Variants in PPP6R2 observed in about 807,000 individuals in gnomAD.
PPP6R2 encodes serine/threonine-protein phosphatase 6 regulatory subunit 2.
Under a neutral mutation model 100.2 loss-of-function variants are expected in PPP6R2, and 62 were observed. That is an observed-to-expected ratio of 0.62 (90% confidence interval 0.50 to 0.76). PPP6R2 has a LOEUF of 0.76. Among genes scored for constraint, PPP6R2 ranks in the 30% least tolerant of loss-of-function variants. The pLI, the probability that PPP6R2 is intolerant of heterozygous loss-of-function variation, is 0.00. For missense variants in PPP6R2, 1,142 were observed against 1,276.3 expected, an observed-to-expected ratio of 0.89 and a Z score of 1.60; for synonymous variants, 525 against 514.7, an observed-to-expected ratio of 1.02 and a Z score of -0.27.
intron 2 of PPP6R2, among the ~76,000 whole-genome samples, chr22:50,388,185 A>T (rs1602939979): frequency 6.6e-6 from 1 of 151,924 alleles, no homozygotes; most frequent in African/African-American, 2.4e-5. Flanking sequence ...GATTAAAAAA[A>T]AAAAACAGTC....
chr22:50,406,299 GT>G (rs2058947149), intron 3 of PPP6R2, among the ~76,000 whole-genome samples: 1 of 137,148 alleles, frequency 7.3e-6, no homozygotes, highest in East Asian at 2.3e-4. Context: ...CTGGAGAGAG[GT>G]GAGAGGCCTG....
upstream of PPP6R2, among the ~76,000 whole-genome samples, chr22:50,340,509 GT>G (rs1569219577): frequency 3.9e-4 from 36 of 91,880 alleles, 1 homozygote; most frequent in African/African-American, 2.8e-3. Flanking sequence ...GGTGTGGTGT[GT>G]GTGTGGTGTG....
At chr22:50,410,297 A>G (rs1245458020) in intron 4 of PPP6R2, among the ~76,000 whole-genome samples, 1 of 152,054 alleles carries the variant, frequency 6.6e-6, no homozygotes, top group Non-Finnish European at 1.5e-5. Context: ...AGCCACTTCC[A>G]TTCCTGTGCA....
upstream of PPP6R2, among the ~76,000 whole-genome samples, chr22:50,341,992 C>CAA (rs563190922): frequency 8.0e-4 from 110 of 137,796 alleles, no homozygotes; most frequent in East Asian, 9.5e-3. Flanking sequence ...GACTCCGTCT[C>CAA]AAAAAAAAAA....
At chr22:50,332,605 TAAG>T in the PPP6R2 span, among the ~76,000 whole-genome samples, 1 of 151,238 alleles carries the variant, frequency 6.6e-6, no homozygotes, top group Non-Finnish European at 1.5e-5. Context: ...TGGTATGAGA[TAAG>T]GAGATAAGGT....
chr22:50,396,448 T>TAA (rs1380271036), intron 3 of PPP6R2, among the ~76,000 whole-genome samples: 1 of 146,930 alleles, frequency 6.8e-6, no homozygotes, highest in Admixed American at 7.0e-5. Context: ...TGAGCCAAGA[T>TAA]CGCTCCACTG....
chr22:50,437,271 A>C (rs2064533159), intron 15 of PPP6R2, among the ~76,000 whole-genome samples: 1 of 152,242 alleles, frequency 6.6e-6, no homozygotes, highest in Admixed American at 6.5e-5. Context: ...AGGACACGGC[A>C]GATGGACTCG....
chr22:50,415,969 G>T, intron 5 of PPP6R2, 123 bp from the exon 6 acceptor site: 1 of 836,194 alleles, frequency 1.2e-6, no homozygotes, highest in Non-Finnish European at 2.0e-6. Flanking sequence ...CTGGGTCTGG[G>T]GTGTGTCAGG....
intron 22 of PPP6R2, 30 bp downstream of exon 22, chr22:50,441,056 C>G: frequency 2.7e-6 from 4 of 1,496,618 alleles, no homozygotes; most frequent in Non-Finnish European, 3.6e-6. Flanking sequence ...GGCGGGCCTG[C>G]CGGGTGCATA....
chr22:50,442,777 C>T (rs1203009960), intron 22 of PPP6R2, among the ~76,000 whole-genome samples: 1 of 151,718 alleles, frequency 6.6e-6, no homozygotes, highest in African/African-American at 2.4e-5. Context: ...TGGTCTCGAT[C>T]TCCTGACCTC....
chr22:50,332,814 G>A, the PPP6R2 span, among the ~76,000 whole-genome samples: 1 of 151,714 alleles, frequency 6.6e-6, no homozygotes, highest in African/African-American at 2.4e-5. Context: ...AGTAGAGACG[G>A]GGTTTCACCA....
In PPP6R2 at chr22:50,410,469, C is replaced by CTTTTTT. The variant is rs200178930; in HGVS notation, c.414+3614_414+3619dup. Reference sequence around the variant, plus strand: ...ATCTTTGTATTATTTTGAGTGGTGTCTTTTTTTTTTTTTTTTTTTTTTTTT... The same window carrying CTTTTTT: ...ATCTTTGTATTATTTTGAGTGGTGTCTTTTTTTTTTTTTTTTTTTTTTTTTTTTTTT... On this transcript the variant is annotated intron_variant, in intron 4 of 23. Transcript: ENST00000612753. 4.9e-4 allele frequency among the ~76,000 whole-genome samples: 51 copies of CTTTTTT among 103,354 alleles called. 1 individual carries two copies. Among genetic ancestry groups the CTTTTTT allele is most frequent in the African/African-American group, 8.3e-4 (22 of 26,610 alleles). The allele number at this position is 103,354 out of a possible 152,430, so 67.8% of individuals were successfully genotyped here.
intron 10 of PPP6R2, among the ~76,000 whole-genome samples, chr22:50,428,105 T>C (rs974297937): frequency 1.3e-5 from 2 of 151,334 alleles, no homozygotes; most frequent in Non-Finnish European, 3.0e-5. Context: ...TCTGCCCACA[T>C]TGGCCTCCCA....
chr22:50,411,706 T>C (rs2059765062), intron 4 of PPP6R2, among the ~76,000 whole-genome samples: 1 of 151,516 alleles, frequency 6.6e-6, no homozygotes, highest in Non-Finnish European at 1.5e-5. Flanking sequence ...TGAGCCGAGA[T>C]TGTGACTCTG....
At chr22:50,413,834 G>A (rs78185924) in intron 4 of PPP6R2, among the ~76,000 whole-genome samples, 211 of 152,150 alleles carry the variant, frequency 1.4e-3, no homozygotes, top group African/African-American at 4.9e-3. Context: ...CCAGCCCCCA[G>A]CCCAGTAGCC....
At chr22:50,385,775 C>T (rs1033229471) in intron 2 of PPP6R2, among the ~76,000 whole-genome samples, 1 of 148,854 alleles carries the variant, frequency 6.7e-6, no homozygotes, top group Non-Finnish European at 1.5e-5. Flanking sequence ...CTCGGCCTCC[C>T]AAAGTGCTGG....
intron 3 of PPP6R2, among the ~76,000 whole-genome samples, chr22:50,402,026 C>G (rs2058130578): frequency 6.6e-6 from 1 of 152,146 alleles, no homozygotes; most frequent in Non-Finnish European, 1.5e-5. Context: ...CTTAATGTGT[C>G]ATCTCTGAGA....
chr22:50,439,911 A>G, intron 20 of PPP6R2, 50 bp from the exon 21 acceptor site: 1 of 1,607,794 alleles, frequency 6.2e-7, no homozygotes, highest in Non-Finnish European at 8.5e-7. Context: ...TGTCAGGGCC[A>G]GGAGGCACCT....
chr22:50,441,104 C>G (rs1398525831), intron 22 of PPP6R2, 78 bp downstream of exon 22: 2 of 1,252,666 alleles, frequency 1.6e-6, no homozygotes, highest in East Asian at 5.1e-5. Flanking sequence ...GGTCTCAGCT[C>G]CCCTGAGAGG....
Sources: gnomAD v4.1 joint callset for allele counts (sites outside exome capture counted in the v4.1 genomes callset) on GRCh38, gnomAD v4.1.1 for gene constraint, MANE v1.5 for transcripts, NCBI Gene and HGNC (gene_info 2026-07-23, HGNC 2026-07-21) for gene names.